Variants in THRB observed in about 807,000 individuals in gnomAD.
The protein encoded by THRB is nuclear receptor subfamily 1 group A member 2.
A neutral mutation model predicts 47.8 loss-of-function variants in THRB; 12 were observed. The ratio of observed to expected loss-of-function variants is 0.25; its 90% CI spans 0.16 to 0.41. THRB has a LOEUF of 0.41. Ranked by LOEUF, THRB falls within the 10% of genes least tolerant of loss-of-function variation. THRB has a pLI of 1.00. For missense variants in THRB, 348 were observed against 589.2 expected, an observed-to-expected ratio of 0.59 and a Z score of 4.24; for synonymous variants, 218 against 212.2, an observed-to-expected ratio of 1.03 and a Z score of -0.24.
intron 6 of THRB, among the ~76,000 whole-genome samples, chr3:24,150,885 G>A (rs1022560097): frequency 1.1e-4 from 16 of 151,982 alleles, no homozygotes; most frequent in African/African-American, 3.9e-4. Flanking sequence ...TTGAATTATC[G>A]AACTTTTGGA....
intron 2 of THRB, among the ~76,000 whole-genome samples, chr3:24,331,368 G>A (rs369654879): frequency 2.6e-5 from 4 of 152,084 alleles, no homozygotes; most frequent in African/African-American, 4.8e-5. Flanking sequence ...TTTTCTCCCC[G>A]TCCTGACTTT....
intron 3 of THRB, among the ~76,000 whole-genome samples, chr3:24,271,457 T>G (rs541285046): frequency 6.6e-6 from 1 of 152,322 alleles, no homozygotes; most frequent in Admixed American, 6.5e-5. Flanking sequence ...GTGAGGTTAC[T>G]ACAGGGCTTT....
intron 1 of THRB, among the ~76,000 whole-genome samples, chr3:24,453,982 A>AG (rs2072925717): frequency 6.6e-6 from 1 of 152,192 alleles, no homozygotes; most frequent in African/African-American, 2.4e-5. Flanking sequence ...GTATTATTTT[A>AG]TCTTAGCACC....
intron 4 of THRB, among the ~76,000 whole-genome samples, chr3:24,213,666 CACAA>C (rs1270461198): frequency 1.3e-5 from 2 of 152,264 alleles, no homozygotes; most frequent in East Asian, 3.9e-4. Flanking sequence ...GTGTCTTCTG[CACAA>C]ACATTCTAAA....
intron 8 of THRB, among the ~76,000 whole-genome samples, chr3:24,138,075 G>A (rs1047649920): frequency 1.3e-5 from 2 of 152,048 alleles, no homozygotes; most frequent in African/African-American, 2.4e-5. Flanking sequence ...TATGCAAATC[G>A]TGGCCAACTG....
intron 1 of THRB, among the ~76,000 whole-genome samples, chr3:24,466,361 G>A (rs1189708840): frequency 6.6e-6 from 1 of 151,504 alleles, no homozygotes; most frequent in Non-Finnish European, 1.5e-5. Flanking sequence ...CAGAATTGAG[G>A]GTACCCTCAA....
intron 2 of THRB, among the ~76,000 whole-genome samples, chr3:24,313,759 C>T (rs983955996): frequency 7.9e-5 from 12 of 151,922 alleles, no homozygotes; most frequent in African/African-American, 2.9e-4. Context: ...CTTTTCTACA[C>T]TGTTCATTCA....
At chr3:24,384,520 T>C (rs2065942661) in intron 1 of THRB, among the ~76,000 whole-genome samples, 1 of 152,100 alleles carries the variant, frequency 6.6e-6, no homozygotes, top group Non-Finnish European at 1.5e-5. Context: ...GGTAGGGATT[T>C]GATTGTGTGA....
At chr3:24,277,651 A>G (rs773780250) in intron 3 of THRB, among the ~76,000 whole-genome samples, 28 of 152,218 alleles carry the variant, frequency 1.8e-4, no homozygotes, top group Non-Finnish European at 2.9e-4. Flanking sequence ...GTGAAAAGTT[A>G]CCAAAGTTAT....
Position 24,242,363 on chromosome 3 carries a change from G to A in THRB, c.-42-13362C>T, listed in dbSNP as rs570410603. Reference sequence around the variant, plus strand: ...AGAACCAGATTGCTGATTCATGTTCGGCTCACGGCTCCAAGCATTTTTTTT... The same window carrying A: ...AGAACCAGATTGCTGATTCATGTTCAGCTCACGGCTCCAAGCATTTTTTTT... On this transcript the variant is annotated intron_variant, in intron 3 of 10. Transcript: ENST00000646209. 1.1e-4 allele frequency among the ~76,000 whole-genome samples: 16 copies of A among 152,164 alleles called. No individual in the cohort carries two copies. The East Asian group carries it at 2.5e-3, about 24-fold the overall frequency.
intron 1 of THRB, chr3:24,459,216 G>A (rs888735746): frequency 2.6e-5 from 4 of 152,116 alleles, no homozygotes; most frequent in African/African-American, 9.7e-5. Flanking sequence ...TTGGTTTTCT[G>A]TTCCTACGAT....
intron 1 of THRB, among the ~76,000 whole-genome samples, chr3:24,454,174 T>C (rs1310266963): frequency 6.6e-6 from 1 of 152,176 alleles, no homozygotes; most frequent in Non-Finnish European, 1.5e-5. Context: ...TTAAGCAATA[T>C]AAAGAAATGA....
intron 9 of THRB, 25 bp from the exon 10 acceptor site, chr3:24,127,782 C>T: frequency 6.2e-7 from 1 of 1,614,112 alleles, no homozygotes; most frequent in Non-Finnish European, 8.5e-7. Context: ...TTCATGTCAG[C>T]AAAGAACAAA....
intron 2 of THRB, among the ~76,000 whole-genome samples, chr3:24,303,878 A>G (rs1212860281): frequency 6.6e-6 from 1 of 152,132 alleles, no homozygotes; most frequent in Non-Finnish European, 1.5e-5. Flanking sequence ...TAATTTATTG[A>G]TTGGACAAAT....
intron 2 of THRB, among the ~76,000 whole-genome samples, chr3:24,313,959 T>G (rs558856888): frequency 2.0e-5 from 3 of 152,350 alleles, no homozygotes; most frequent in East Asian, 1.9e-4. Context: ...AAAGGGAACA[T>G]AATCATGAAG....
chr3:24,284,950 G>A (rs1183950964), intron 3 of THRB, among the ~76,000 whole-genome samples: 3 of 152,146 alleles, frequency 2.0e-5, no homozygotes, highest in Non-Finnish European at 2.9e-5. Context: ...TGGAGAGGAT[G>A]TGGAGAAATA....
intron 5 of THRB, among the ~76,000 whole-genome samples, chr3:24,156,661 C>A (rs138181313): frequency 6.6e-6 from 1 of 152,292 alleles, no homozygotes; most frequent in African/African-American, 2.4e-5. Flanking sequence ...TCTTGTAGAG[C>A]TATCAACTCA....
At chr3:24,396,846 C>T (rs1355544192) in intron 1 of THRB, among the ~76,000 whole-genome samples, 1 of 152,078 alleles carries the variant, frequency 6.6e-6, no homozygotes, top group Non-Finnish European at 1.5e-5. Flanking sequence ...TGGGAAAATG[C>T]AATGCATTGG....
chr3:24,349,028 A>C (rs750412826), intron 1 of THRB: 1 of 152,178 alleles, frequency 6.6e-6, no homozygotes, highest in Non-Finnish European at 1.5e-5. Flanking sequence ...ACTGGATATA[A>C]GATCAACATA....
Sources: allele counts gnomAD v4.1 joint callset (sites outside exome capture counted in the v4.1 genomes callset), GRCh38; gene constraint gnomAD v4.1.1; transcripts MANE v1.5; gene names NCBI Gene and HGNC (gene_info 2026-07-23, HGNC 2026-07-21).